The following MRPS9 variants were observed in gnomAD, a reference collection of about 807,000 sequenced individuals.
MRPS9 encodes the protein small ribosomal subunit protein uS9m.
A neutral mutation model predicts 59.9 loss-of-function variants in MRPS9; 45 were observed. The ratio of observed to expected loss-of-function variants is 0.75; its 90% CI spans 0.59 to 0.96. The LOEUF is 0.96. Ranked by LOEUF, MRPS9 falls within the 40% of genes least tolerant of loss-of-function variation. MRPS9 has a pLI of 0.00. For synonymous variants in MRPS9, 171 were observed against 166.8 expected (o/e 1.03, Z -0.19); for missense variants, 473 against 481.1 (o/e 0.98, Z 0.16).
intron 6 of MRPS9, 37 bp from the exon 7 acceptor site, chr2:105,089,883 G>T: frequency 7.2e-7 from 1 of 1,381,632 alleles, no homozygotes. Flanking sequence ...TAATTGCATG[G>T]CTAATTAAAA....
intron 5 of MRPS9, among the ~76,000 whole-genome samples, chr2:105,084,558 A>G (rs1680412732): frequency 6.6e-6 from 1 of 152,204 alleles, no homozygotes; most frequent in South Asian, 2.1e-4. Context: ...AGATGTGTCT[A>G]GATCCTCTTT....
intron 9 of MRPS9, among the ~76,000 whole-genome samples, chr2:105,095,487 AT>A (rs138410859): frequency 5.5e-4 from 77 of 140,148 alleles, no homozygotes; most frequent in Non-Finnish European, 8.4e-4. Context: ...CAGTCTGTAC[AT>A]TTTTTTTTTC....
intron 9 of MRPS9, among the ~76,000 whole-genome samples, chr2:105,094,444 G>T (rs1161157893): frequency 6.6e-6 from 1 of 152,082 alleles, no homozygotes; most frequent in Non-Finnish European, 1.5e-5. Context: ...CAGAAGTTTG[G>T]TATGATTAGT....
intron 4 of MRPS9, among the ~76,000 whole-genome samples, chr2:105,077,297 A>G (rs761693486): frequency 6.6e-6 from 1 of 152,150 alleles, no homozygotes; most frequent in Non-Finnish European, 1.5e-5. Context: ...CAATAATGAG[A>G]GACAATTATC....
At chr2:105,094,255 C>T (rs937850733) in intron 9 of MRPS9, among the ~76,000 whole-genome samples, 1 of 152,120 alleles carries the variant, frequency 6.6e-6, no homozygotes, top group East Asian at 1.9e-4. Flanking sequence ...CTAAATATGG[C>T]AGTTTTAATT....
At chr2:105,045,310 T>C (rs1162827536) in intron 1 of MRPS9, among the ~76,000 whole-genome samples, 2 of 146,638 alleles carry the variant, frequency 1.4e-5, no homozygotes, top group African/African-American at 2.5e-5. Flanking sequence ...AATTGCCAGC[T>C]CAAAAGCCAA....
intron 3 of MRPS9, 41 bp downstream of exon 3, chr2:105,071,416 A>G (rs752544887): frequency 1.3e-6 from 2 of 1,585,656 alleles, no homozygotes; most frequent in East Asian, 2.3e-5. Flanking sequence ...TCACTTTTAT[A>G]TGTTATGATA....
At chr2:105,071,939 A>G (rs1243856539) in intron 4 of MRPS9, among the ~76,000 whole-genome samples, 3 of 152,134 alleles carry the variant, frequency 2.0e-5, no homozygotes, top group African/African-American at 4.8e-5. Flanking sequence ...ATTAGCCATC[A>G]TTCTAATTGT....
In MRPS9 at chr2:105,099,649, GC is replaced by G. The variant is rs1680747147; in HGVS notation, c.1100-20del. ...GCATGCATATTAATGGTTCCTAAAG[GC>G]TTCTCTTTTTATGCTGCAGCTGGAC... is the stretch of plus-strand genomic sequence containing the variant. On this transcript the variant is annotated intron_variant, in intron 10 of 10. Transcript: ENST00000258455. The G allele has an allele frequency of 1.2e-6, 2 of 1,610,470 alleles. No individual in the cohort carries two copies. The highest frequency in any genetic ancestry group is 1.7e-6 in the Non-Finnish European group (2 of 1,177,714).
intron 2 of MRPS9, among the ~76,000 whole-genome samples, chr2:105,053,108 A>T (rs903029252): frequency 2.6e-5 from 4 of 152,224 alleles, no homozygotes; most frequent in Non-Finnish European, 2.9e-5. Context: ...TATGTAGCTT[A>T]TTGAAAAAAG....
chr2:105,091,308 G>T (rs12620254), intron 7 of MRPS9: 1 of 470,824 alleles, frequency 2.1e-6, no homozygotes, highest in Non-Finnish European at 4.4e-6. Context: ...TCCACCCATA[G>T]TGCCCCTTTG....
chr2:105,060,217 C>T (rs1468406885), intron 2 of MRPS9, among the ~76,000 whole-genome samples: 2 of 152,106 alleles, frequency 1.3e-5, no homozygotes, highest in South Asian at 2.1e-4. Flanking sequence ...GAAATACCCT[C>T]CTTAGTGTTA....
At chr2:105,041,023 A>G (rs1394214717) in intron 1 of MRPS9, among the ~76,000 whole-genome samples, 1 of 152,220 alleles carries the variant, frequency 6.6e-6, no homozygotes, top group Non-Finnish European at 1.5e-5. Flanking sequence ...GTTATAGCAT[A>G]GGGTTTTGGT....
chr2:105,087,723 C>T (rs1054122549), intron 5 of MRPS9, among the ~76,000 whole-genome samples: 15 of 152,090 alleles, frequency 9.9e-5, no homozygotes, highest in Admixed American at 8.5e-4. Flanking sequence ...AGTATTATAT[C>T]GGCTTTTCTC....
At chr2:105,096,284 A>G (rs1170569161) in intron 9 of MRPS9, among the ~76,000 whole-genome samples, 2 of 152,180 alleles carry the variant, frequency 1.3e-5, no homozygotes. Flanking sequence ...TTTTGGGTCT[A>G]GAAGCTACAG....
At chr2:105,094,031 A>C (rs1680611770) in intron 9 of MRPS9, among the ~76,000 whole-genome samples, 1 of 152,214 alleles carries the variant, frequency 6.6e-6, no homozygotes, top group Non-Finnish European at 1.5e-5. Context: ...CTTGGCACTT[A>C]AAACTGACCT....
At chr2:105,053,369 G>A (rs13408007) in intron 2 of MRPS9, among the ~76,000 whole-genome samples, 1,936 of 152,104 alleles carry the variant, frequency 0.013, 45 homozygotes, top group African/African-American at 0.044. Context: ...GACAAATTAG[G>A]CACCGTTGTA....
chr2:105,084,046 A>G (rs1680399158), intron 5 of MRPS9, among the ~76,000 whole-genome samples: 1 of 152,144 alleles, frequency 6.6e-6, no homozygotes, highest in Non-Finnish European at 1.5e-5. Flanking sequence ...CTAAGCATTT[A>G]TTGAAGTTTT....
At chr2:105,066,856 G>A (rs1680010704) in intron 2 of MRPS9, among the ~76,000 whole-genome samples, 1 of 152,112 alleles carries the variant, frequency 6.6e-6, no homozygotes, top group East Asian at 1.9e-4. Context: ...GCTTTGCTGA[G>A]ACAGGTTGTG....
Sources: gnomAD v4.1 joint callset for allele counts (sites outside exome capture counted in the v4.1 genomes callset) on GRCh38, gnomAD v4.1.1 for gene constraint, MANE v1.5 for transcripts, NCBI Gene and HGNC (gene_info 2026-07-23, HGNC 2026-07-21) for gene names.